ZNF397: variants seen among roughly 807,000 people sequenced by gnomAD.
ZNF397 encodes the protein zinc finger protein 397.
A neutral mutation model predicts 50.6 loss-of-function variants in ZNF397; 38 were observed. That is an observed-to-expected ratio of 0.75 (90% confidence interval 0.58 to 0.98). The LOEUF (loss-of-function observed/expected upper bound fraction) is 0.98. Ranked by LOEUF, ZNF397 falls within the 50% of genes least tolerant of loss-of-function variation. The pLI is 0.00. For missense variants in ZNF397, 624 were observed against 624.1 expected, an observed-to-expected ratio of 1.00 and a Z score of 0.00; for synonymous variants, 228 against 215.2, an observed-to-expected ratio of 1.06 and a Z score of -0.52.
intron 5 of ZNF397, among the ~76,000 whole-genome samples, chr18:35,256,524 G>A (rs2043823290): frequency 6.6e-6 from 1 of 151,656 alleles, no homozygotes; most frequent in South Asian, 2.1e-4. Context: ...TCACACCACT[G>A]CATGACAGAA....
At chr18:35,245,120 C>T (rs1293025409) in intron 3 of ZNF397, 142 bp from the exon 4 acceptor site, 30 of 1,047,510 alleles carry the variant, frequency 2.9e-5, no homozygotes, top group Non-Finnish European at 3.7e-5. Context: ...TAAGAGAGAC[C>T]CTCTTTTGGC....
chr18:35,256,121 AG>A, intron 5 of ZNF397: 1 of 152,436 alleles, frequency 6.6e-6, no homozygotes, highest in East Asian at 1.9e-4. Flanking sequence ...TCAAATTATG[AG>A]ACTAGAGAAA....
At chr18:35,253,628 G>A (rs2043673786), downstream of ZNF397, 3 of 1,613,976 alleles carry the variant, frequency 1.9e-6, no homozygotes, top group African/African-American at 2.7e-5. Flanking sequence ...TTTCTCTCCA[G>A]TGTGAATTCT....
At position 35,246,571 on chromosome 18, in the gene ZNF397, G is replaced by A. The variant is rs1324703241; in HGVS notation, c.*261G>A. The A allele has an allele frequency of 8.1e-7, 1 of 1,236,938 alleles. No homozygotes were observed. The highest frequency in any genetic ancestry group is 4.0e-5 in the Admixed American group (1 of 24,906). The allele number at this position is 1,236,938 out of a possible 1,614,324, so 76.6% of individuals were successfully genotyped here. On this transcript the variant is annotated 3_prime_UTR_variant, in exon 4 of 4. Transcript: ENST00000330501. Reference sequence around the variant, plus strand: ...AATACTCAGGAAATACGAAAAGTGGGAATGTAACATTGAAACCTCATTTTG... The same window carrying A: ...AATACTCAGGAAATACGAAAAGTGGAAATGTAACATTGAAACCTCATTTTG...
chr18:35,242,725 A>G lies in ZNF397; in HGVS notation c.255A>G (p.Thr85=), dbSNP rs1436410128. 3.1e-6 allele frequency: 5 copies of G among 1,614,096 alleles called. No homozygotes were observed. In the African/African-American group the frequency reaches 5.3e-5, roughly 17 times the overall value. ...AGTGGCTAATGCCAGAGTTGCACAC[A>G]AAGGAGCAGATCTTAGAACTGCTGG... ...CYQWLMPELH[T]KEQILELLVL... Residue 85 remains threonine (T), a synonymous_variant, in exon 2 of 4, where the codon ACA becomes ACG. Transcript: ENST00000330501.
chr18:35,242,450 G>T lies in ZNF397; in HGVS notation c.-21G>T. 6.3e-7 allele frequency: 1 copy of T among 1,598,644 alleles called. No homozygotes were observed. The highest frequency in any genetic ancestry group is 1.3e-5 in the African/African-American group (1 of 74,250). ...CAGAACCAGTTGTACTGAGCTTTTT[G>T]CTAAGCTGTTTCAGCCAAGAATGGC... On this transcript the variant is annotated 5_prime_UTR_variant, in exon 2 of 4. Transcript: ENST00000330501.
intron 2 of ZNF397, 53 bp downstream of exon 2, chr18:35,242,937 T>C (rs762779164): frequency 2.4e-5 from 38 of 1,551,972 alleles, no homozygotes; most frequent in East Asian, 4.5e-5. Flanking sequence ...CTGGAGCATG[T>C]AATGGTATCA....
Position 35,242,839 on chromosome 18 carries a change from C to A in ZNF397, c.369C>A (p.Thr123=), listed in dbSNP as rs776688902. ...HNPESGEEAV[T]LLEDLEREFD... ...CAGAAAGCGGCGAGGAAGCTGTGAC[C>A]CTGTTGGAGGATTTAGAGAGGGAGT... Residue 123 remains threonine, a synonymous_variant, in exon 2 of 4, where the codon ACC becomes ACA. Transcript: ENST00000330501. 3.8e-5 allele frequency: 62 copies of A among 1,613,604 alleles called. No homozygotes were observed. The highest frequency in any genetic ancestry group is 5.1e-5 in the Non-Finnish European group (60 of 1,179,780).
rs748954825 is a variant in ZNF397 at position 35,242,450 on chromosome 18, G to A, written c.-21G>A. On this transcript the variant is annotated 5_prime_UTR_variant, in exon 2 of 4. Transcript: ENST00000330501. ...CAGAACCAGTTGTACTGAGCTTTTT[G>A]CTAAGCTGTTTCAGCCAAGAATGGC... The A allele has an allele frequency of 6.3e-7, 1 of 1,598,642 alleles. No homozygotes were observed. Among genetic ancestry groups the A allele is most frequent in the Non-Finnish European group, 8.5e-7 (1 of 1,172,274 alleles).
rs569092155 is a variant in ZNF397 at position 35,245,149 on chromosome 18, C to T, written c.557-113C>T. The T allele has an allele frequency of 8.1e-6, 11 of 1,358,524 alleles. No homozygotes were observed. In the East Asian group the frequency reaches 2.3e-4, roughly 29 times the overall value. The allele number at this position is 1,358,524 out of a possible 1,614,324, so 84.2% of individuals were successfully genotyped here. On this transcript the variant is annotated intron_variant, in intron 3 of 3. Transcript: ENST00000330501. Reference sequence around the variant, plus strand: ...TTTTGGCCAGTTGAAAAAAAAGATACTGGAGGACAGTGACATCTTTGTAGG... The same window carrying T: ...TTTTGGCCAGTTGAAAAAAAAGATATTGGAGGACAGTGACATCTTTGTAGG...
At chr18:35,253,859 C>T, downstream of ZNF397, 1 of 1,614,202 alleles carries the variant, frequency 6.2e-7, no homozygotes, top group East Asian at 2.2e-5. Context: ...ACATTCACAA[C>T]ATTCATAGGG....
Position 35,246,186 on chromosome 18 carries a change from C to G in ZNF397, c.1481C>G (p.Ser494Ter). ...TGTGGCAAAACTTTCAAAAGGAGCTCAGCCCTTGTTCAGCATCAGAGAATT... is the reference window on the plus strand; with the variant it reads ...TGTGGCAAAACTTTCAAAAGGAGCTGAGCCCTTGTTCAGCATCAGAGAATT... ...NECGKTFKRS[S>*]ALVQHQRIHS... The change falls in exon 4 of 4, where the codon TCA (serine) becomes TGA (stop). Residue 494 changes from serine to a stop codon, truncating the protein, a stop_gained. Coordinates refer to ENST00000330501, the MANE Select transcript of ZNF397 (RefSeq NM_001135178.3). LOFTEE classifies it high-confidence loss of function. The G allele has an allele frequency of 6.4e-7, 1 of 1,551,958 alleles. No homozygotes were observed. Among genetic ancestry groups the G allele is most frequent in the South Asian group, 1.2e-5 (1 of 84,050 alleles).
chr18:35,242,498 A>G lies in ZNF397; in HGVS notation c.28A>G (p.Thr10Ala), dbSNP rs1480343202. The stretch of plus-strand genomic sequence containing the variant: ...GGCTGTGGAATCTGGAGTGATTTCA[A>G]CCCTGATACCTCAGGATCCTCCGGA... MAVESGVIS[T>A]LIPQDPPEQE... is the part of the protein sequence containing the mutation. The change falls in exon 2 of 4, where the codon ACC becomes GCC. Residue 10 changes from threonine to alanine, a missense_variant. Physicochemically the swap from Thr to Ala is moderately conservative, Grantham distance 58. Coordinates refer to ENST00000330501, the MANE Select transcript of ZNF397 (RefSeq NM_001135178.3). 1.9e-6 allele frequency: 3 copies of G among 1,613,772 alleles called. No homozygotes were observed. The African/African-American group carries it at 4.0e-5, about 22-fold the overall frequency.
At chr18:35,242,328 C>T (rs1051944684) in intron 1 of ZNF397, 63 bp from the exon 2 acceptor site, 1 of 739,054 alleles carries the variant, frequency 1.4e-6, no homozygotes, top group Non-Finnish European at 2.2e-6. Flanking sequence ...ACTCATCTTT[C>T]TTATTACAAG....
chr18:35,248,148 A>G lies in ZNF397; in HGVS notation c.*1838A>G, dbSNP rs1399085820. ...AACCAGCAACACAAAGACATATTCA[A>G]AAGACCTAATAGGTCAGAAGAATAA... is the stretch of plus-strand genomic sequence containing the variant. On this transcript the variant is annotated 3_prime_UTR_variant, in exon 4 of 4. Coordinates refer to ENST00000330501, the MANE Select transcript of ZNF397 (RefSeq NM_001135178.3). The G allele has an allele frequency of 6.6e-6, 1 of 152,260 alleles. No homozygotes were observed. The highest frequency in any genetic ancestry group is 1.5e-5 in the Non-Finnish European group (1 of 68,042). 9.4% of individuals were successfully genotyped at this position (152,260 alleles called of 1,614,324 possible).
In ZNF397 at chr18:35,246,235, A is replaced by G; in HGVS notation, c.1530A>G (p.Ile510Met). ...TTCATTCTGGGGATGAAGCTTATAT[A>G]TGTAATGAATGTGGGAAGGCTTTCA... Reference protein sequence around the residue: ...QRIHSGDEAYICNECGKAFRH... With the variant: ...QRIHSGDEAYMCNECGKAFRH... Residue 510 changes from isoleucine (I) to methionine (M), a missense_variant, in exon 4 of 4, where the codon ATA (isoleucine) becomes ATG (methionine). Coordinates refer to ENST00000330501, the MANE Select transcript of ZNF397 (RefSeq NM_001135178.3). 4 of 1,552,190 alleles carry G rather than the reference A, an allele frequency of 2.6e-6. No homozygotes were observed. Among genetic ancestry groups the G allele is most frequent in the Non-Finnish European group, 3.5e-6 (4 of 1,147,096 alleles).
Position 35,246,218 on chromosome 18 carries a change from G to A in ZNF397, c.1513G>A (p.Gly505Arg). The A allele has an allele frequency of 6.4e-7, 1 of 1,552,142 alleles. No homozygotes were observed. Among genetic ancestry groups the A allele is most frequent in the Non-Finnish European group, 8.7e-7 (1 of 1,147,094 alleles). Residue 505 changes from glycine (G) to arginine (R), a missense_variant, in exon 4 of 4, where the codon GGG becomes AGG. Coordinates refer to ENST00000330501, the MANE Select transcript of ZNF397 (RefSeq NM_001135178.3). ...TGTTCAGCATCAGAGAATTCATTCT[G>A]GGGATGAAGCTTATATATGTAATGA... is the stretch of plus-strand genomic sequence containing the variant. ...ALVQHQRIHSGDEAYICNECG... is the reference protein window; with the variant it reads ...ALVQHQRIHSRDEAYICNECG...
At chr18:35,259,204 T>C (rs2043950115), downstream of ZNF397, 1 of 152,202 alleles carries the variant, frequency 6.6e-6, no homozygotes, top group African/African-American at 2.4e-5. Context: ...TCTTTTCTTG[T>C]TGTTGTTGAG....
chr18:35,243,487 G>GTT (rs2143584277), intron 3 of ZNF397, 194 bp downstream of exon 3: 1 of 698,804 alleles, frequency 1.4e-6, no homozygotes, highest in East Asian at 2.7e-5. Flanking sequence ...GAGTTTCCCT[G>GTT]TTATTCATTC....
Sources: allele counts gnomAD v4.1 joint callset (sites outside exome capture counted in the v4.1 genomes callset), GRCh38; gene constraint gnomAD v4.1.1; transcripts MANE v1.5; gene names NCBI Gene and HGNC (gene_info 2026-07-23, HGNC 2026-07-21).